STPG2: variants seen among roughly 807,000 people sequenced by gnomAD.
STPG2 encodes the protein sperm-tail PG-rich repeat-containing protein 2.
STPG2 carries 56 observed loss-of-function variants against 54.2 expected under a neutral mutation model. The observed-to-expected ratio is 1.03, with a 90% CI of 0.83 to 1.29. STPG2 has a LOEUF of 1.29. STPG2 is among the 50% of genes most tolerant of loss of function. The pLI, the probability that STPG2 is intolerant of heterozygous loss-of-function variation, is 0.00. For missense variants in STPG2, 596 were observed against 544.9 expected (o/e 1.09, Z -0.93); for synonymous variants, 200 against 181.8 (o/e 1.10, Z -0.81).
chr4:97,552,793 C>A (rs1731993627), intron 4 of STPG2, among the ~76,000 whole-genome samples: 1 of 152,006 alleles, frequency 6.6e-6, no homozygotes, highest in Non-Finnish European at 1.5e-5. Flanking sequence ...GGAGCAAATA[C>A]AAGAACACTT....
downstream of STPG2, chr4:97,558,728 T>C (rs933910806): frequency 8.6e-6 from 2 of 232,366 alleles, no homozygotes; most frequent in Non-Finnish European, 1.7e-5. Flanking sequence ...TGCAAAAGAC[T>C]GAGCCTGATG....
At chr4:97,592,376 G>A (rs1733167650) in intron 10 of STPG2, among the ~76,000 whole-genome samples, 1 of 151,830 alleles carries the variant, frequency 6.6e-6, no homozygotes, top group African/African-American at 2.4e-5. Flanking sequence ...TTATACCTAG[G>A]CCCATGCCAA....
chr4:97,888,210 G>T (rs575802312), intron 8 of STPG2, among the ~76,000 whole-genome samples: 1 of 152,302 alleles, frequency 6.6e-6, no homozygotes, highest in African/African-American at 2.4e-5. Context: ...CTGGGGCACT[G>T]CTTAGGCGAG....
intron 5 of STPG2, among the ~76,000 whole-genome samples, chr4:98,018,178 C>A (rs987077240): frequency 6.6e-6 from 1 of 152,072 alleles, no homozygotes; most frequent in Non-Finnish European, 1.5e-5. Flanking sequence ...CATCCCCACC[C>A]CACAACAGTC....
intron 10 of STPG2, among the ~76,000 whole-genome samples, chr4:97,701,833 C>T (rs770427828): frequency 2.2e-4 from 33 of 152,192 alleles, no homozygotes; most frequent in Non-Finnish European, 3.8e-4. Context: ...ACAGTAGCTA[C>T]GACCACTTTG....
chr4:97,453,698 A>G (rs1729437548), intron 4 of STPG2, among the ~76,000 whole-genome samples: 1 of 152,176 alleles, frequency 6.6e-6, no homozygotes, highest in Non-Finnish European at 1.5e-5. Context: ...GGAAGTTGAA[A>G]GTTTGCCATT....
intron 8 of STPG2, among the ~76,000 whole-genome samples, chr4:97,877,162 A>C (rs1730206692): frequency 6.6e-6 from 1 of 152,198 alleles, no homozygotes; most frequent in African/African-American, 2.4e-5. Flanking sequence ...GTCACCATGC[A>C]GTTCCTCCAG....
intron 5 of STPG2, among the ~76,000 whole-genome samples, chr4:98,048,029 G>T (rs550968805): frequency 2.6e-4 from 40 of 152,274 alleles, no homozygotes; most frequent in Admixed American, 9.2e-4. Context: ...GTCACCAGAA[G>T]AACTCTAAAA....
At chr4:97,973,996 C>T (rs1487513236) in intron 6 of STPG2, among the ~76,000 whole-genome samples, 1 of 152,182 alleles carries the variant, frequency 6.6e-6, no homozygotes. Context: ...ACAGCTTGCA[C>T]CATGTGCCTG....
At chr4:97,694,822 A>C (rs1723512385) in intron 10 of STPG2, among the ~76,000 whole-genome samples, 1 of 97,030 alleles carries the variant, frequency 1.0e-5, no homozygotes, top group Non-Finnish European at 1.8e-5. Flanking sequence ...CAAAAAAAAA[A>C]AAAAAAAAAA....
At chr4:97,743,930 A>C (rs1302522692) in intron 9 of STPG2, among the ~76,000 whole-genome samples, 3 of 151,740 alleles carry the variant, frequency 2.0e-5, no homozygotes, top group Non-Finnish European at 3.0e-5. Flanking sequence ...CTTACATAGC[A>C]AAGCATAAGG....
At chr4:97,610,513 T>C (rs535661787) in intron 10 of STPG2, among the ~76,000 whole-genome samples, 1 of 152,012 alleles carries the variant, frequency 6.6e-6, no homozygotes, top group African/African-American at 2.4e-5. Flanking sequence ...CAGAGGGAAA[T>C]AAAGGCAAGA....
downstream of STPG2, among the ~76,000 whole-genome samples, chr4:97,558,661 C>T (rs1732141213): frequency 6.6e-6 from 1 of 152,144 alleles, no homozygotes; most frequent in Admixed American, 6.5e-5. Context: ...GAAGTGGCAT[C>T]CTTTCCCCGC....
chr4:97,879,117 A>G (rs1370060256), intron 8 of STPG2, among the ~76,000 whole-genome samples: 8 of 152,112 alleles, frequency 5.3e-5, no homozygotes, highest in Non-Finnish European at 8.8e-5. Context: ...AGACCTTTTC[A>G]GCCTGCATTT....
At chr4:97,808,986 C>CA (rs1727657047) in intron 9 of STPG2, among the ~76,000 whole-genome samples, 2 of 151,554 alleles carry the variant, frequency 1.3e-5, no homozygotes, top group Non-Finnish European at 2.9e-5. Context: ...GGCAAGTGGG[C>CA]AAAAAAAGCA....
At chr4:97,942,787 A>G (rs371420913) in intron 8 of STPG2, among the ~76,000 whole-genome samples, 1 of 152,196 alleles carries the variant, frequency 6.6e-6, no homozygotes, top group Non-Finnish European at 1.5e-5. Flanking sequence ...ATTTTATTTC[A>G]GCAAGTTATA....
chr4:97,627,665 A>T (rs975795893), intron 10 of STPG2, among the ~76,000 whole-genome samples: 1 of 152,164 alleles, frequency 6.6e-6, no homozygotes, highest in East Asian at 1.9e-4. Flanking sequence ...CTATAGTAAA[A>T]TGTTTAAAGG....
At chr4:98,045,920 T>C (rs565983843) in intron 5 of STPG2, among the ~76,000 whole-genome samples, 6 of 66,706 alleles carry the variant, frequency 9.0e-5, no homozygotes, top group Admixed American at 6.2e-4. Flanking sequence ...TTTTCAGCCA[T>C]TATTTCTTTG....
At chr4:97,751,678 G>T (rs767163609) in intron 9 of STPG2, among the ~76,000 whole-genome samples, 61 of 151,812 alleles carry the variant, frequency 4.0e-4, no homozygotes, top group Non-Finnish European at 7.4e-4. Flanking sequence ...AAACATAACT[G>T]AATTGCCAAA....
Sources: allele counts gnomAD v4.1 joint callset (sites outside exome capture counted in the v4.1 genomes callset), GRCh38; gene constraint gnomAD v4.1.1; transcripts MANE v1.5; gene names NCBI Gene and HGNC (gene_info 2026-07-23, HGNC 2026-07-21).